ASRGL1: variants seen among roughly 807,000 people sequenced by gnomAD.
The protein encoded by ASRGL1 is asparaginase and isoaspartyl peptidase 1.
A neutral mutation model predicts 22.4 loss-of-function variants in ASRGL1; 16 were observed. The ratio of observed to expected loss-of-function variants is 0.71; its 90% CI spans 0.48 to 1.08. The LOEUF (loss-of-function observed/expected upper bound fraction) is 1.08. ASRGL1 is among the 50% of genes least tolerant of loss of function. The pLI is 0.00. For synonymous variants in ASRGL1, 165 were observed against 159.3 expected, an observed-to-expected ratio of 1.04 and a Z score of -0.27; for missense variants, 412 against 410.1, an observed-to-expected ratio of 1.00 and a Z score of -0.04.
At position 62,368,254 on chromosome 11, in the gene ASRGL1, G is replaced by A. The variant is rs189731264; in HGVS notation, c.491+11110G>A. Among the ~76,000 whole-genome samples, 95 of 152,184 alleles carry A rather than the reference G, an allele frequency of 6.2e-4. 2 individuals carry two copies. In the East Asian group the frequency reaches 0.015, roughly 24 times the overall value. ...ATAGGTATGTACATACAGTATAGGC[G>A]AAAACAGTGTTGAGGTCAGTGCTAG... On this transcript the variant is annotated intron_variant, in intron 4 of 6. Coordinates refer to ENST00000415229, the MANE Select transcript of ASRGL1 (RefSeq NM_001083926.2).
intron 4 of ASRGL1, among the ~76,000 whole-genome samples, chr11:62,374,734 T>C (rs1428676414): frequency 2.0e-5 from 3 of 152,160 alleles, no homozygotes; most frequent in African/African-American, 4.8e-5. Context: ...TGCATCTCTC[T>C]AAGACTTAGT....
Position 62,356,483 on chromosome 11 carries a change from G to A in ASRGL1, c.333+16G>A, listed in dbSNP as rs1946300526. On this transcript the variant is annotated intron_variant, in intron 3 of 6. Transcript: ENST00000415229. Reference sequence around the variant, plus strand: ...CATGGAAAAGGTATATGTGACTAAAGCAGCCTTTTCCTAATGAATTGTTAT... The same window carrying A: ...CATGGAAAAGGTATATGTGACTAAAACAGCCTTTTCCTAATGAATTGTTAT... 1 of 1,613,388 alleles carries A rather than the reference G, an allele frequency of 6.2e-7. No homozygotes were observed. The highest frequency in any genetic ancestry group is 1.3e-5 in the African/African-American group (1 of 75,008).
rs1378827050 is a variant in ASRGL1 at position 62,362,919 on chromosome 11, T to A, written c.491+5775T>A. ...TTTTTTTTTTTTTTTTTTTTTTTTT[T>A]TTTTTTTTTTTTTTTTTGAGACAGA... On this transcript the variant is annotated intron_variant, in intron 4 of 6. Coordinates refer to ENST00000415229, the MANE Select transcript of ASRGL1 (RefSeq NM_001083926.2). Among the ~76,000 whole-genome samples, 4 of 52,678 alleles carry A rather than the reference T, an allele frequency of 7.6e-5. No individual in the cohort carries two copies. In the East Asian group the frequency reaches 1.3e-3, roughly 17 times the overall value. 34.6% of individuals were successfully genotyped at this position (52,678 alleles called of 152,430 possible).
chr11:62,365,894 TAAAG>T (rs1222532936), intron 4 of ASRGL1, among the ~76,000 whole-genome samples: 8 of 151,804 alleles, frequency 5.3e-5, no homozygotes, highest in East Asian at 3.9e-4. Flanking sequence ...CCACAAAAAA[TAAAG>T]AAAGGTAATT....
At chr11:62,395,759 CTTTTTTTT>C (rs564952668), downstream of ASRGL1, among the ~76,000 whole-genome samples, 1,849 of 71,780 alleles carry the variant, frequency 0.026, 9 homozygotes, top group Non-Finnish European at 0.041. Context: ...GTAGCTGTTT[CTTTTTTTT>C]TTTTTTTTTT....
chr11:62,372,362 C>T (rs1946796872), intron 4 of ASRGL1: 1 of 1,566,576 alleles, frequency 6.4e-7, no homozygotes, highest in African/African-American at 1.4e-5. Flanking sequence ...AGATAATGTA[C>T]AACAGCCTGC....
At chr11:62,360,384 A>G (rs1344544571) in intron 4 of ASRGL1, among the ~76,000 whole-genome samples, 2 of 151,154 alleles carry the variant, frequency 1.3e-5, no homozygotes, top group Non-Finnish European at 2.9e-5. Context: ...ATGAAAATAC[A>G]TTCTCATTTT....
At chr11:62,341,856 G>A (rs897030918) in intron 2 of ASRGL1, among the ~76,000 whole-genome samples, 2 of 152,064 alleles carry the variant, frequency 1.3e-5, no homozygotes, top group South Asian at 4.2e-4. Context: ...CCCAGCCCCT[G>A]GCAACAACTA....
intron 4 of ASRGL1, chr11:62,382,033 A>G (rs1947081945): frequency 6.6e-6 from 1 of 152,480 alleles, no homozygotes; most frequent in South Asian, 2.1e-4. Context: ...TCACGCCTGT[A>G]ATCCCCGCAC....
chr11:62,340,475 C>T (rs1483989886), intron 2 of ASRGL1, among the ~76,000 whole-genome samples: 1 of 152,196 alleles, frequency 6.6e-6, no homozygotes, highest in Non-Finnish European at 1.5e-5. Flanking sequence ...CTTATTTACA[C>T]AGGACCTTCA....
chr11:62,382,501 T>C (rs1417352997), intron 4 of ASRGL1: 2 of 152,050 alleles, frequency 1.3e-5, no homozygotes, highest in Admixed American at 1.3e-4. Flanking sequence ...GCCCTAAGGC[T>C]GTTTTCTCCT....
At chr11:62,397,103 C>T (rs572397157), downstream of ASRGL1, among the ~76,000 whole-genome samples, 1 of 152,278 alleles carries the variant, frequency 6.6e-6, no homozygotes, top group Non-Finnish European at 1.5e-5. Context: ...GATCTTGGCT[C>T]ACTGCAACCT....
chr11:62,386,308 C>T (rs1947199003), intron 4 of ASRGL1, among the ~76,000 whole-genome samples: 2 of 152,098 alleles, frequency 1.3e-5, no homozygotes, highest in African/African-American at 2.4e-5. Context: ...TTTCAGTTAC[C>T]CACACTCAAC....
At chr11:62,344,278 G>A (rs1168450341) in intron 2 of ASRGL1, among the ~76,000 whole-genome samples, 1 of 152,134 alleles carries the variant, frequency 6.6e-6, no homozygotes, top group African/African-American at 2.4e-5. Context: ...AGTTTTAAGA[G>A]TTGTTTATAT....
At chr11:62,371,293 G>T (rs1946756128) in intron 4 of ASRGL1, 1 of 1,380,086 alleles carries the variant, frequency 7.2e-7, no homozygotes, top group South Asian at 1.4e-5. Flanking sequence ...CAGCAGCGGC[G>T]ACGAGGACGG....
At chr11:62,371,125 G>A (rs1565167093) in intron 4 of ASRGL1, 1 of 959,408 alleles carries the variant, frequency 1.0e-6, no homozygotes, top group Admixed American at 4.2e-5. Context: ...ACTCCAACCA[G>A]CCGCAACCAT....
At chr11:62,391,140 C>T (rs956384220) in intron 5 of ASRGL1, among the ~76,000 whole-genome samples, 1 of 152,312 alleles carries the variant, frequency 6.6e-6, no homozygotes, top group African/African-American at 2.4e-5. Context: ...ACATGATGGC[C>T]TTGCTAGAGA....
Position 62,392,324 on chromosome 11 carries a change from C to T in ASRGL1, c.*40C>T. 2.5e-6 allele frequency: 4 copies of T among 1,601,592 alleles called. No individual in the cohort carries two copies. The highest frequency in any genetic ancestry group is 3.4e-6 in the Non-Finnish European group (4 of 1,170,306). On this transcript the variant is annotated 3_prime_UTR_variant, in exon 7 of 7. Coordinates refer to ENST00000415229, the MANE Select transcript of ASRGL1 (RefSeq NM_001083926.2). Reference sequence around the variant, plus strand: ...GTATTCCAGATGCTAGCTTAGAGGTCAAGTACAGTCTCCTCATGAGACATA... The same window carrying T: ...GTATTCCAGATGCTAGCTTAGAGGTTAAGTACAGTCTCCTCATGAGACATA...
intron 4 of ASRGL1, chr11:62,372,454 G>A: frequency 6.5e-7 from 1 of 1,534,304 alleles, no homozygotes; most frequent in Admixed American, 1.7e-5. Flanking sequence ...TGGGTGCCCT[G>A]AATATGGTCA....
Sources: gnomAD v4.1 joint callset for allele counts (sites outside exome capture counted in the v4.1 genomes callset) on GRCh38, gnomAD v4.1.1 for gene constraint, MANE v1.5 for transcripts, NCBI Gene and HGNC (gene_info 2026-07-23, HGNC 2026-07-21) for gene names.